MTA3: variants seen among roughly 807,000 people sequenced by gnomAD.
MTA3 encodes metastasis associated 1 family member 3.
Under a neutral mutation model 83.5 loss-of-function variants are expected in MTA3, and 34 were observed. The observed-to-expected ratio is 0.41, with a 90% CI of 0.31 to 0.54. MTA3 has a LOEUF of 0.54. MTA3 is among the 20% of genes least tolerant of loss of function. MTA3 has a pLI of 0.33. For synonymous variants in MTA3, 303 were observed against 252.7 expected (o/e 1.20, Z -1.89); for missense variants, 761 against 726.4 (o/e 1.05, Z -0.55).
intron 2 of MTA3, among the ~76,000 whole-genome samples, chr2:42,499,729 G>C (rs947771122): frequency 2.0e-5 from 3 of 150,424 alleles, no homozygotes; most frequent in Non-Finnish European, 4.4e-5. Flanking sequence ...CGGAGGTTGC[G>C]GTGAGCTGAG....
At chr2:42,749,112 G>A (rs763539807) in intron 16 of MTA3, among the ~76,000 whole-genome samples, 6 of 152,170 alleles carry the variant, frequency 3.9e-5, no homozygotes, top group Non-Finnish European at 8.8e-5. Context: ...CCCTGTACTT[G>A]CATAGTTCAG....
Position 42,753,619 on chromosome 2 carries a change from C to A in MTA3, c.*220C>A. 1 of 1,364,096 alleles carries A rather than the reference C, an allele frequency of 7.3e-7. No homozygotes were observed. Among genetic ancestry groups the A allele is most frequent in the Non-Finnish European group, 9.5e-7 (1 of 1,057,286 alleles). 84.5% of individuals were successfully genotyped at this position (1,364,096 alleles called of 1,614,324 possible). A position where few individuals can be genotyped will look rare whatever the true frequency, so the allele number is the denominator to read the frequency against. On this transcript the variant is annotated 3_prime_UTR_variant, in exon 17 of 17. Transcript: ENST00000405094. ...GATCAGCAGCACCTCGCTTTCTTGT[C>A]AGAGACCTCGCTGTTACGGAGCGAG...
chr2:42,620,723 G>A (rs187548297), intron 4 of MTA3, among the ~76,000 whole-genome samples: 21 of 152,128 alleles, frequency 1.4e-4, no homozygotes, highest in African/African-American at 5.1e-4. Context: ...TAAACTTCTG[G>A]GTTCAAACAG....
At chr2:42,547,651 C>T (rs1676818808) in intron 2 of MTA3, among the ~76,000 whole-genome samples, 2 of 152,182 alleles carry the variant, frequency 1.3e-5, no homozygotes, top group Admixed American at 1.3e-4. Flanking sequence ...TATTTGAACA[C>T]TCAGCAGTTG....
intron 14 of MTA3, among the ~76,000 whole-genome samples, chr2:42,711,352 C>T (rs1393922200): frequency 6.6e-6 from 1 of 152,042 alleles, no homozygotes; most frequent in Non-Finnish European, 1.5e-5. Context: ...AATTGACGGG[C>T]CATGCTGCTA....
chr2:42,706,693 T>G (rs561631595), intron 12 of MTA3, among the ~76,000 whole-genome samples: 1 of 152,354 alleles, frequency 6.6e-6, no homozygotes, highest in South Asian at 2.1e-4. Flanking sequence ...CTATCACACA[T>G]GTATTTTAAA....
chr2:42,508,200 CTT>C (rs1674725211), intron 2 of MTA3, among the ~76,000 whole-genome samples: 1 of 152,116 alleles, frequency 6.6e-6, no homozygotes, highest in Non-Finnish European at 1.5e-5. Flanking sequence ...AGAGAGAAAT[CTT>C]TCCCCAGCCA....
At chr2:42,602,518 TC>T (rs1682706701) in intron 3 of MTA3, among the ~76,000 whole-genome samples, 2 of 152,190 alleles carry the variant, frequency 1.3e-5, no homozygotes. Flanking sequence ...ATTTTTCACT[TC>T]CTCTGTTAAT....
Position 42,704,236 on chromosome 2 carries a change from G to A in MTA3, c.1068G>A (p.Lys356=), listed in dbSNP as rs369886488. ...ACCAAATATCCACTAGTAATGGGAA[G>A]CCTGGTGCTGTGAATGGAGCTGTGG... The part of the protein sequence containing the change: ...NPNQISTSNG[K]PGAVNGAVGT... The change falls in exon 12 of 17, where the codon AAG becomes AAA. Residue 356 remains lysine, a synonymous_variant. Transcript: ENST00000405094. 8.2e-5 allele frequency: 132 copies of A among 1,613,856 alleles called. No individual in the cohort carries two copies. The highest frequency in any genetic ancestry group is 1.1e-4 in the Non-Finnish European group (125 of 1,179,864).
chr2:42,606,431 G>C (rs1450570058), intron 3 of MTA3, among the ~76,000 whole-genome samples: 1 of 149,610 alleles, frequency 6.7e-6, no homozygotes, highest in Non-Finnish European at 1.5e-5. Flanking sequence ...GGGGCGGCGG[G>C]GCAGAGGCGC....
At chr2:42,516,099 T>C (rs1675134341) in intron 2 of MTA3, among the ~76,000 whole-genome samples, 2 of 152,014 alleles carry the variant, frequency 1.3e-5, no homozygotes, top group African/African-American at 4.8e-5. Context: ...GTATTTTTAG[T>C]AGAGACAGGG....
At chr2:42,533,307 T>G (rs536480281) in intron 2 of MTA3, 65 of 151,360 alleles carry the variant, frequency 4.3e-4, no homozygotes, top group African/African-American at 1.5e-3. Context: ...CAGGCTAGTC[T>G]CGAACTCCTG....
intron 3 of MTA3, among the ~76,000 whole-genome samples, chr2:42,603,819 T>C (rs1682878374): frequency 1.3e-5 from 2 of 152,008 alleles, no homozygotes; most frequent in Non-Finnish European, 1.5e-5. Context: ...TGTGCAGTGA[T>C]GGCTCACTGC....
intron 6 of MTA3, among the ~76,000 whole-genome samples, chr2:42,648,817 T>G (rs970708700): frequency 4.6e-5 from 7 of 152,188 alleles, no homozygotes; most frequent in African/African-American, 1.7e-4. Flanking sequence ...AAATTTAAAT[T>G]TTAACTGTTA....
chr2:42,741,406 G>A (rs1669016867), intron 16 of MTA3, among the ~76,000 whole-genome samples: 1 of 152,132 alleles, frequency 6.6e-6, no homozygotes, highest in African/African-American at 2.4e-5. Flanking sequence ...TCACCACTTG[G>A]TTAACTGTTT....
intron 6 of MTA3, among the ~76,000 whole-genome samples, chr2:42,647,170 A>AAAAAAAAAAAAC: frequency 6.6e-6 from 1 of 150,912 alleles, no homozygotes; most frequent in African/African-American, 2.4e-5. Context: ...AAAAAAAACA[A>AAAAAAAAAAAAC]AAAAGAAAGG....
chr2:42,671,786 G>A (rs1357702079), intron 8 of MTA3, among the ~76,000 whole-genome samples: 3 of 152,144 alleles, frequency 2.0e-5, no homozygotes, highest in Admixed American at 6.5e-5. Flanking sequence ...TTGTTTCCAT[G>A]TCTTGAGATT....
chr2:42,719,217 T>C (rs1205161523), intron 15 of MTA3, 143 bp downstream of exon 15: 3 of 598,458 alleles, frequency 5.0e-6, no homozygotes, highest in Non-Finnish European at 8.9e-6. Context: ...TCAGTTTATT[T>C]TGTTTCAGAA....
chr2:42,679,413 G>A (rs766886358), intron 8 of MTA3, among the ~76,000 whole-genome samples: 44 of 152,112 alleles, frequency 2.9e-4, no homozygotes, highest in South Asian at 8.3e-4. Flanking sequence ...ATTGAAAACC[G>A]CACAGAAAGG....
Sources: allele counts gnomAD v4.1 joint callset (sites outside exome capture counted in the v4.1 genomes callset), GRCh38; gene constraint gnomAD v4.1.1; transcripts MANE v1.5; gene names NCBI Gene and HGNC (gene_info 2026-07-23, HGNC 2026-07-21).